LRP2: variants seen among roughly 807,000 people sequenced by gnomAD.
LRP2 encodes the protein low-density lipoprotein receptor-related protein 2.
In LRP2, 172 loss-of-function variants were observed where a neutral mutation model predicts 531.0. That is an observed-to-expected ratio of 0.32 (90% CI 0.29 to 0.37). The LOEUF (loss-of-function observed/expected upper bound fraction) is 0.37, where lower values mean the gene tolerates loss of function less well. LRP2 is among the 10% of genes least tolerant of loss of function. LRP2 has a pLI of 1.00. For synonymous variants in LRP2, 1,992 were observed against 2,027.6 expected (o/e 0.98, Z 0.47); for missense variants, 5,167 against 5,868.3 (o/e 0.88, Z 3.90).
Position 169,270,977 on chromosome 2 carries a change from G to A in LRP2, c.2247C>T (p.Asp749=), listed in dbSNP as rs562363182. The change falls in exon 16 of 79, where the codon GAC becomes GAT. Residue 749 remains aspartate (D), a synonymous_variant. Transcript: ENST00000649046. The stretch of plus-strand genomic sequence containing the variant: ...AAAAAAAGATAGTGCTGTCCTGGGC[G>A]TCAAAATCAATCCCGACAAAGAAAG... The part of the protein sequence containing the change: ...NPSFFVGIDF[D]AQDSTIFFSD... The A allele has an allele frequency of 6.3e-5, 102 of 1,613,188 alleles. No individual in the cohort carries two copies. The East Asian group carries it at 6.9e-4, about 11-fold the overall frequency.
chr2:169,180,952 C>A (rs1305054481), intron 52 of LRP2, among the ~76,000 whole-genome samples: 2 of 152,284 alleles, frequency 1.3e-5, no homozygotes, highest in South Asian at 2.1e-4. Context: ...AATGCCTTAT[C>A]ATATTGGATT....
Position 169,246,857 on chromosome 2 carries a change from C to A in LRP2, c.3038G>T (p.Cys1013Phe). Residue 1013 changes from cysteine (C) to phenylalanine (F), a missense_variant, in exon 21 of 79, where the codon TGC becomes TTC. Physicochemically the swap from Cys to Phe is radical, Grantham distance 205. Coordinates refer to ENST00000649046, the MANE Select transcript of LRP2 (RefSeq NM_004525.3). ...TGGTTCATTGGTTGGGTCCCCCTCG[C>A]ATGTCAAGTGATTGGAAGCCAGCCT... ...GMRLASNHLT[C>F]EGDPTNEPPT... The A allele has an allele frequency of 1.2e-6, 2 of 1,614,166 alleles. No homozygotes were observed. The highest frequency in any genetic ancestry group is 1.7e-6 in the Non-Finnish European group (2 of 1,180,026).
chr2:169,277,642 C>A, intron 13 of LRP2, 103 bp downstream of exon 13: 3 of 1,053,686 alleles, frequency 2.8e-6, no homozygotes, highest in Middle Eastern at 2.2e-4. Context: ...TGTCCACCAA[C>A]AAAGCAATAT....
rs543808180 is a variant in LRP2 at position 169,221,047 on chromosome 2, C to T, written c.5539-484G>A. On this transcript the variant is annotated intron_variant, in intron 33 of 78. Transcript: ENST00000649046. ...AGGTACAGTGAATTCTGTTCCAAGT[C>T]AACAAACTAAACTGAAACACATGAG... 5.3e-5 allele frequency among the ~76,000 whole-genome samples: 8 copies of T among 152,246 alleles called. No homozygotes were observed. The East Asian group carries it at 1.2e-3, about 22-fold the overall frequency.
intron 44 of LRP2, 145 bp downstream of exon 44, chr2:169,201,483 T>C: frequency 2.1e-6 from 2 of 952,740 alleles, no homozygotes; most frequent in Non-Finnish European, 3.1e-6. Context: ...TGATACTTGC[T>C]ACCGCGCCTA....
chr2:169,259,355 A>C (rs1574189513), intron 16 of LRP2, 138 bp from the exon 17 acceptor site: 2 of 634,834 alleles, frequency 3.2e-6, no homozygotes, highest in East Asian at 2.7e-5. Context: ...TAAAAAAAAA[A>C]AAAAAAAAAA....
chr2:169,319,544 G>A (rs1684856570), intron 2 of LRP2, among the ~76,000 whole-genome samples: 1 of 152,194 alleles, frequency 6.6e-6, no homozygotes, highest in Admixed American at 6.5e-5. Context: ...TCTCTGAAGA[G>A]TTGTTGGCAT....
chr2:169,339,548 G>GTAATTACTATA (rs1685507095), intron 1 of LRP2, among the ~76,000 whole-genome samples: 1 of 152,124 alleles, frequency 6.6e-6, no homozygotes, highest in Admixed American at 6.5e-5. Context: ...TTTCAAGGGT[G>GTAATTACTATA]TTTAAGAAAT....
At chr2:169,220,413 C>T (rs1401772431) in intron 34 of LRP2, 41 bp downstream of exon 34, 4 of 1,413,406 alleles carry the variant, frequency 2.8e-6, no homozygotes, top group Admixed American at 3.4e-5. Flanking sequence ...TTAACAAGAA[C>T]AATGCTGCAT....
At chr2:169,238,913 G>C (rs1365989690) in intron 26 of LRP2, among the ~76,000 whole-genome samples, 1 of 152,110 alleles carries the variant, frequency 6.6e-6, no homozygotes, top group African/African-American at 2.4e-5. Flanking sequence ...ATTCTAAAAA[G>C]GAAGCTGCTT....
At chr2:169,155,212 T>C (rs973905282) in intron 65 of LRP2, among the ~76,000 whole-genome samples, 1 of 152,210 alleles carries the variant, frequency 6.6e-6, no homozygotes. Context: ...TTTAATTTAC[T>C]TGCATAATGT....
chr2:169,134,693 A>ATT (rs1685429790), intron 76 of LRP2, among the ~76,000 whole-genome samples: 1 of 152,190 alleles, frequency 6.6e-6, no homozygotes, highest in East Asian at 1.9e-4. Context: ...CAAAGGGACT[A>ATT]CATGTCAGTA....
At chr2:169,247,686 A>C (rs1292339674) in intron 19 of LRP2, among the ~76,000 whole-genome samples, 171 bp from the exon 20 acceptor site, 1 of 152,204 alleles carries the variant, frequency 6.6e-6, no homozygotes, top group Non-Finnish European at 1.5e-5. Context: ...ACTCCCTAGT[A>C]ATGCTCTGTG....
At chr2:169,160,096 T>C (rs1288278718) in intron 63 of LRP2, among the ~76,000 whole-genome samples, 1 of 152,238 alleles carries the variant, frequency 6.6e-6, no homozygotes, top group South Asian at 2.1e-4. Context: ...CTTTCCATTT[T>C]ATGAAGAAGG....
intron 19 of LRP2, 36 bp downstream of exon 19, chr2:169,256,070 A>G: frequency 3.1e-6 from 5 of 1,606,610 alleles, no homozygotes; most frequent in Non-Finnish European, 3.4e-6. Flanking sequence ...TGCAATGTAT[A>G]AAAACAATAC....
intron 1 of LRP2, among the ~76,000 whole-genome samples, chr2:169,347,519 G>A (rs983069241): frequency 5.9e-5 from 9 of 151,502 alleles, no homozygotes; most frequent in Admixed American, 2.6e-4. Context: ...TGTCCCTAAC[G>A]GAAGGTTAAA....
intron 16 of LRP2, among the ~76,000 whole-genome samples, chr2:169,264,453 C>T (rs1690710585): frequency 6.6e-6 from 1 of 151,934 alleles, no homozygotes; most frequent in African/African-American, 2.4e-5. Context: ...CTGCAGTGCT[C>T]CAAGCTCAGT....
intron 13 of LRP2, among the ~76,000 whole-genome samples, chr2:169,277,143 G>A (rs979990157): frequency 1.4e-5 from 2 of 145,210 alleles, no homozygotes; most frequent in South Asian, 2.2e-4. Flanking sequence ...GCAGTGAACC[G>A]AGATTGCATC....
chr2:169,206,410 T>C lies in LRP2; in HGVS notation c.7310A>G (p.Gln2437Arg). The C allele has an allele frequency of 6.2e-7, 1 of 1,614,186 alleles. No homozygotes were observed. Residue 2437 changes from glutamine to arginine, a missense_variant, in exon 39 of 79, where the codon CAA becomes CGA. Around this residue, in one of 6 missense-constraint regions of LRP2, gnomAD observed 2,811 missense variants for 3,058.0 expected, o/e 0.92. Transcript: ENST00000649046. The part of the protein sequence containing the change: ...DSVSDRIYFT[Q>R]NLASGVGQIS... ...CTGTCCAACTCCAGAGGCTAAATTT[T>C]GTGTGAAGTAGATTCTATCACTTAC... is the stretch of plus-strand genomic sequence containing the variant.
Sources: gnomAD v4.1 joint callset for allele counts (sites outside exome capture counted in the v4.1 genomes callset) on GRCh38, gnomAD v4.1.1 for gene constraint, gnomAD v4.1.1 regional missense constraint, MANE v1.5 for transcripts, NCBI Gene and HGNC (gene_info 2026-07-23, HGNC 2026-07-21) for gene names.